Variants in CEP112 observed in about 807,000 individuals in gnomAD.
CEP112 encodes the protein centrosomal protein 112, also known as centrosomal protein of 112 kDa.
CEP112 carries 127 observed loss-of-function variants against 153.0 expected under a neutral mutation model. That is an observed-to-expected ratio of 0.83 (90% CI 0.72 to 0.96). The LOEUF (loss-of-function observed/expected upper bound fraction) is 0.96, where lower values mean the gene tolerates loss of function less well. Among genes scored for constraint, CEP112 ranks in the 40% least tolerant of loss-of-function variants. The probability of loss-of-function intolerance (pLI) is 0.00; values close to 1 mark genes in which losing one functional copy is unlikely to be tolerated. For missense variants in CEP112, 1,089 were observed against 1,101.2 expected, an observed-to-expected ratio of 0.99 and a Z score of 0.16; for synonymous variants, 358 against 374.4, an observed-to-expected ratio of 0.96 and a Z score of 0.51.
intron 12 of CEP112, among the ~76,000 whole-genome samples, chr17:66,036,774 C>G (rs919086682): frequency 6.6e-6 from 1 of 152,146 alleles, no homozygotes; most frequent in Non-Finnish European, 1.5e-5. Flanking sequence ...CTTTGATATT[C>G]TGCTCATGGA....
chr17:66,141,756 A>ATG (rs1357869049), intron 4 of CEP112, among the ~76,000 whole-genome samples: 1 of 152,182 alleles, frequency 6.6e-6, no homozygotes. Flanking sequence ...TTATGTATAT[A>ATG]CCATATTTTG....
intron 10 of CEP112, among the ~76,000 whole-genome samples, chr17:66,065,983 T>C (rs1375338953): frequency 6.6e-6 from 1 of 152,174 alleles, no homozygotes; most frequent in Non-Finnish European, 1.5e-5. Flanking sequence ...AGTTGAGAAG[T>C]ACCCTTCCTA....
chr17:65,856,803 A>G (rs946334493), intron 20 of CEP112, among the ~76,000 whole-genome samples: 3 of 152,194 alleles, frequency 2.0e-5, no homozygotes, highest in African/African-American at 7.2e-5. Flanking sequence ...ATCTCTGTCA[A>G]TGTAAATCAA....
chr17:65,679,586 G>T (rs1033558258), intron 24 of CEP112, among the ~76,000 whole-genome samples: 1 of 152,066 alleles, frequency 6.6e-6, no homozygotes, highest in African/African-American at 2.4e-5. Flanking sequence ...TTAAAGGCTT[G>T]GAAATCTGTA....
intron 2 of CEP112, among the ~76,000 whole-genome samples, chr17:66,178,990 T>C (rs976999072): frequency 6.6e-6 from 1 of 152,172 alleles, no homozygotes; most frequent in African/African-American, 2.4e-5. Flanking sequence ...TTGTCAAAAA[T>C]GAAATTCCTG....
chr17:65,997,686 C>T (rs191025554), intron 17 of CEP112, among the ~76,000 whole-genome samples: 6 of 151,822 alleles, frequency 4.0e-5, no homozygotes, highest in Admixed American at 3.9e-4. Context: ...ATTGGTTTGT[C>T]TTTATTATTG....
chr17:65,985,518 C>T (rs1197725965), intron 17 of CEP112, among the ~76,000 whole-genome samples: 2 of 152,134 alleles, frequency 1.3e-5, no homozygotes, highest in Non-Finnish European at 2.9e-5. Context: ...TTTTACTATA[C>T]ACTCCATGAA....
chr17:65,640,031 T>C (rs1030426533), intron 25 of CEP112, among the ~76,000 whole-genome samples: 2 of 149,362 alleles, frequency 1.3e-5, no homozygotes, highest in African/African-American at 5.0e-5. Context: ...AGAGACGGGG[T>C]TTCACCACGT....
At chr17:66,147,868 T>C (rs926558503) in intron 4 of CEP112, among the ~76,000 whole-genome samples, 1 of 152,224 alleles carries the variant, frequency 6.6e-6, no homozygotes, top group Non-Finnish European at 1.5e-5. Context: ...GTCTATATAT[T>C]TGTCTTTATA....
chr17:66,163,339 TTC>T (rs1296970149), intron 4 of CEP112, among the ~76,000 whole-genome samples: 2 of 152,188 alleles, frequency 1.3e-5, no homozygotes, highest in African/African-American at 2.4e-5. Flanking sequence ...ACTTCTGATT[TTC>T]TGTCTTTTCA....
intron 24 of CEP112, among the ~76,000 whole-genome samples, chr17:65,653,167 C>T (rs1483170776): frequency 1.3e-5 from 2 of 152,164 alleles, no homozygotes; most frequent in Admixed American, 1.3e-4. Flanking sequence ...TGGGAGGGGA[C>T]ACAAACATTC....
chr17:65,993,267 G>A (rs528374803), intron 17 of CEP112, among the ~76,000 whole-genome samples: 147 of 152,226 alleles, frequency 9.7e-4, no homozygotes, highest in African/African-American at 3.4e-3. Context: ...CAAATGACAT[G>A]ATCTCACTGC....
At position 65,969,047 on chromosome 17, in the gene CEP112, C is replaced by T. The variant is rs118158830; in HGVS notation, c.1737-7449G>A. Among the ~76,000 whole-genome samples, 3 of 150,362 alleles carry T rather than the reference C, an allele frequency of 2.0e-5. No homozygotes were observed. The East Asian group carries it at 5.9e-4, about 29-fold the overall frequency. ...ATTAGAACTGCAAAAATGATTAAGACATTATATCAGTTTTTTGTTTTTTTG... is the reference window on the plus strand; with the variant it reads ...ATTAGAACTGCAAAAATGATTAAGATATTATATCAGTTTTTTGTTTTTTTG... On this transcript the variant is annotated intron_variant, in intron 17 of 26. Coordinates refer to ENST00000535342, the MANE Select transcript of CEP112 (RefSeq NM_001199165.4).
At chr17:66,139,264 C>A (rs2070579275) in intron 4 of CEP112, among the ~76,000 whole-genome samples, 1 of 152,040 alleles carries the variant, frequency 6.6e-6, no homozygotes, top group East Asian at 1.9e-4. Flanking sequence ...GACTAAACAA[C>A]TAAAATCAGA....
chr17:65,846,140 C>T (rs1280867123), intron 21 of CEP112, among the ~76,000 whole-genome samples: 1 of 152,144 alleles, frequency 6.6e-6, no homozygotes, highest in East Asian at 1.9e-4. Context: ...GGGTTTTAAA[C>T]TGCTGGCAAA....
chr17:65,760,690 T>C (rs1258152761), intron 21 of CEP112, among the ~76,000 whole-genome samples: 2 of 152,172 alleles, frequency 1.3e-5, no homozygotes, highest in African/African-American at 2.4e-5. Context: ...TAATGGAATA[T>C]AATGGTTAAT....
intron 17 of CEP112, among the ~76,000 whole-genome samples, chr17:65,979,798 C>T (rs1599242560): frequency 2.0e-5 from 3 of 152,130 alleles, no homozygotes; most frequent in Admixed American, 2.0e-4. Flanking sequence ...CATATAGTCA[C>T]ATCATAGCCA....
chr17:65,817,936 T>C (rs2056354959), intron 21 of CEP112, among the ~76,000 whole-genome samples: 2 of 151,926 alleles, frequency 1.3e-5, no homozygotes, highest in African/African-American at 2.4e-5. Context: ...AGCTATATTT[T>C]ATGTGAAATA....
rs777376240 is a variant in CEP112, at chr17:65,902,199, T to C, written c.2116A>G (p.Met706Val). The change falls in exon 20 of 27, where the codon ATG becomes GTG. Residue 706 changes from methionine to valine, a missense_variant. Met to Val is a conservative substitution (Grantham distance 21, BLOSUM62 1). Coordinates refer to ENST00000535342, the MANE Select transcript of CEP112 (RefSeq NM_001199165.4). ...NLEKQLRAAN[M>V]EHENQIQEFK... ...TCCTGAATTTGATTTTCGTGCTCCA[T>C]ATTGGCAGCGCGAAGCTGTTTTTCC... 5.6e-6 allele frequency: 9 copies of C among 1,613,644 alleles called. No homozygotes were observed. The highest frequency in any genetic ancestry group is 7.6e-6 in the Non-Finnish European group (9 of 1,179,814).
Sources: gnomAD v4.1 joint callset for allele counts (sites outside exome capture counted in the v4.1 genomes callset) on GRCh38, gnomAD v4.1.1 for gene constraint, MANE v1.5 for transcripts, NCBI Gene and HGNC (gene_info 2026-07-23, HGNC 2026-07-21) for gene names.